Variants in PDHX observed in about 807,000 individuals in gnomAD.
PDHX encodes pyruvate dehydrogenase complex component X.
PDHX carries 33 observed loss-of-function variants against 55.3 expected under a neutral mutation model. That is an observed-to-expected ratio of 0.60 (90% CI 0.45 to 0.80). PDHX has a LOEUF of 0.80. Among genes scored for constraint, PDHX ranks in the 30% least tolerant of loss-of-function variants. The pLI, the probability that PDHX is intolerant of heterozygous loss-of-function variation, is 0.00. For missense variants in PDHX, 622 were observed against 619.9 expected (o/e 1.00, Z -0.04); for synonymous variants, 226 against 219.4 (o/e 1.03, Z -0.27).
At chr11:34,963,821 G>A (rs757557360) in intron 5 of PDHX, among the ~76,000 whole-genome samples, 16 of 152,218 alleles carry the variant, frequency 1.1e-4, no homozygotes, top group Non-Finnish European at 2.2e-4. Context: ...TAAGAAAGCA[G>A]TGTCGAGGCC....
chr11:34,953,989 G>A (rs955919574), intron 3 of PDHX, among the ~76,000 whole-genome samples: 8 of 152,102 alleles, frequency 5.3e-5, no homozygotes, highest in African/African-American at 1.9e-4. Flanking sequence ...CTCATTTTCA[G>A]TATTTCTTAT....
At chr11:34,988,572 AAAG>A (rs1027550341) in intron 9 of PDHX, among the ~76,000 whole-genome samples, 5 of 151,802 alleles carry the variant, frequency 3.3e-5, no homozygotes, top group Non-Finnish European at 5.9e-5. Flanking sequence ...AAAAAAAAAA[AAAG>A]AAACTTGAGA....
chr11:34,981,299 C>T (rs1280200245), intron 8 of PDHX, among the ~76,000 whole-genome samples: 1 of 152,046 alleles, frequency 6.6e-6, no homozygotes, highest in Non-Finnish European at 1.5e-5. Context: ...TGGTTTCCAG[C>T]TTCATCCATG....
At chr11:34,917,499 G>A (rs1265529631) in intron 1 of PDHX, among the ~76,000 whole-genome samples, 1 of 152,114 alleles carries the variant, frequency 6.6e-6, no homozygotes, top group Non-Finnish European at 1.5e-5. Flanking sequence ...ATGCAAAATG[G>A]CAGGCCGGGT....
rs141614580 is a variant in PDHX at position 34,991,586 on chromosome 11, C to T, written c.1183-729C>T. 2.0e-5 allele frequency among the ~76,000 whole-genome samples: 3 copies of T among 152,076 alleles called. No homozygotes were observed. In the East Asian group the frequency reaches 5.8e-4, roughly 29 times the overall value. ...TGGTTGTGGGATTGTGGGTATACTA[C>T]TTTGGTTGCCATTGGATAATTTATT... On this transcript the variant is annotated intron_variant, in intron 9 of 10. Transcript: ENST00000227868.
rs372744072 is a variant in PDHX, at chr11:34,919,618, C to T, written c.160+2803C>T. 3.3e-5 allele frequency among the ~76,000 whole-genome samples: 5 copies of T among 152,242 alleles called. No homozygotes were observed. The South Asian group carries it at 1.0e-3, about 32-fold the overall frequency. The stretch of plus-strand genomic sequence containing the variant: ...CCAAGGCTTAGAGAAATTGAGTCTC[C>T]TAAAGACATGTAACTGTGTTGATGA... On this transcript the variant is annotated intron_variant, in intron 1 of 10. Transcript: ENST00000227868.
At chr11:34,936,630 G>T (rs1366022513) in intron 2 of PDHX, among the ~76,000 whole-genome samples, 2 of 152,038 alleles carry the variant, frequency 1.3e-5, no homozygotes, top group Non-Finnish European at 2.9e-5. Context: ...AGGTCTGGCT[G>T]CATTGGGGAC....
chr11:34,974,676 A>G (rs879908777), intron 7 of PDHX, among the ~76,000 whole-genome samples: 25 of 152,238 alleles, frequency 1.6e-4, no homozygotes, highest in Middle Eastern at 3.4e-3. Context: ...CTGTAATCCT[A>G]TCACTTTGGG....
intron 1 of PDHX, among the ~76,000 whole-genome samples, chr11:34,918,513 C>T (rs145377085): frequency 6.6e-6 from 1 of 151,982 alleles, no homozygotes; most frequent in Non-Finnish European, 1.5e-5. Flanking sequence ...CAATCCTTAT[C>T]TGCATCCTCA....
chr11:34,947,814 G>A (rs1854660220), intron 3 of PDHX, among the ~76,000 whole-genome samples: 1 of 152,084 alleles, frequency 6.6e-6, no homozygotes, highest in East Asian at 1.9e-4. Context: ...TCTGTAATGT[G>A]CGTTATTTTT....
chr11:34,930,708 T>G (rs556875771), intron 1 of PDHX, among the ~76,000 whole-genome samples: 2 of 152,350 alleles, frequency 1.3e-5, no homozygotes, highest in South Asian at 4.1e-4. Flanking sequence ...TTTCGATACC[T>G]AAGGAAAATG....
At chr11:34,946,751 A>T (rs1338306549) in intron 2 of PDHX, among the ~76,000 whole-genome samples, 1 of 152,198 alleles carries the variant, frequency 6.6e-6, no homozygotes, top group Non-Finnish European at 1.5e-5. Context: ...TCACATTATG[A>T]GTAGAAGAAC....
intron 3 of PDHX, among the ~76,000 whole-genome samples, chr11:34,956,765 T>C (rs1202840132): frequency 6.6e-6 from 1 of 152,104 alleles, no homozygotes; most frequent in Admixed American, 6.6e-5. Flanking sequence ...ACTCATGAGG[T>C]TTTATTTTAT....
Position 34,947,572 on chromosome 11 carries a change from ATGCAAGTGATG to A in PDHX, c.309_319del (p.Asp103GlufsTer10). The A allele has an allele frequency of 6.2e-7, 1 of 1,612,824 alleles. No homozygotes were observed. Among genetic ancestry groups the A allele is most frequent in the Non-Finnish European group, 8.5e-7 (1 of 1,178,868 alleles). On this transcript the variant is annotated frameshift_variant, in exon 3 of 11. Transcript: ENST00000227868. LOFTEE classifies it high-confidence loss of function. ...ACTGACAAAGCTGTGGTTACCTTAG[ATGCAAGTGATG>A]ATGGAATCTTGGCCAAAATCGTGGT... is the stretch of plus-strand genomic sequence containing the variant.
At chr11:34,937,587 G>A (rs1854364309) in intron 2 of PDHX, among the ~76,000 whole-genome samples, 1 of 152,180 alleles carries the variant, frequency 6.6e-6, no homozygotes, top group Admixed American at 6.5e-5. Flanking sequence ...GATTATAGGA[G>A]TTGAAGTTCA....
intron 1 of PDHX, among the ~76,000 whole-genome samples, chr11:34,930,630 G>T (rs7925118): frequency 0.19 from 28,812 of 152,080 alleles, 3,896 homozygotes; most frequent in African/African-American, 0.39. Context: ...AAAAGCCATG[G>T]TGCTCTTGAA....
At chr11:34,954,194 C>A (rs572660503) in intron 3 of PDHX, among the ~76,000 whole-genome samples, 1 of 152,318 alleles carries the variant, frequency 6.6e-6, no homozygotes, top group South Asian at 2.1e-4. Context: ...CACTAGGTAG[C>A]TTTCAAACTG....
chr11:34,945,416 T>C (rs945189251), intron 2 of PDHX, among the ~76,000 whole-genome samples: 1 of 152,188 alleles, frequency 6.6e-6, no homozygotes, highest in Non-Finnish European at 1.5e-5. Flanking sequence ...TTTAAAGAGA[T>C]CTTTAATAGG....
intron 7 of PDHX, among the ~76,000 whole-genome samples, chr11:34,971,916 T>C (rs1855265905): frequency 6.6e-6 from 1 of 152,150 alleles, no homozygotes; most frequent in Non-Finnish European, 1.5e-5. Flanking sequence ...CTATGAATTT[T>C]ATTTTAAAAA....
Sources: allele counts gnomAD v4.1 joint callset (sites outside exome capture counted in the v4.1 genomes callset), GRCh38; gene constraint gnomAD v4.1.1; transcripts MANE v1.5; gene names NCBI Gene and HGNC (gene_info 2026-07-23, HGNC 2026-07-21).